The following PARPBP variants were observed in gnomAD, a reference collection of about 807,000 sequenced individuals.
PARPBP encodes the protein PCNA-interacting partner.
PARPBP carries 52 observed loss-of-function variants against 50.0 expected under a neutral mutation model. The ratio of observed to expected loss-of-function variants is 1.04; its 90% confidence interval spans 0.83 to 1.31. The LOEUF (loss-of-function observed/expected upper bound fraction) is 1.31, where lower values mean the gene tolerates loss of function less well. Among genes scored for constraint, PARPBP ranks in the 50% most tolerant of loss-of-function variants. The probability of loss-of-function intolerance (pLI) is 0.00; values close to 1 mark genes in which losing one functional copy is unlikely to be tolerated. For synonymous variants in PARPBP, 244 were observed against 232.1 expected (o/e 1.05, Z -0.47); for missense variants, 697 against 672.0 (o/e 1.04, Z -0.41).
At chr12:102,153,632 A>T (rs1430663190) in intron 3 of PARPBP, among the ~76,000 whole-genome samples, 1 of 152,194 alleles carries the variant, frequency 6.6e-6, no homozygotes, top group Non-Finnish European at 1.5e-5. Context: ...GAGCCACGGT[A>T]CCTGACCCTA....
At chr12:102,174,715 C>A (rs567325245) in intron 6 of PARPBP, among the ~76,000 whole-genome samples, 1 of 152,154 alleles carries the variant, frequency 6.6e-6, no homozygotes, top group Non-Finnish European at 1.5e-5. Flanking sequence ...TTCCTTAAAA[C>A]GGACCAAAAT....
chr12:102,167,775 C>T (rs1308275492), intron 6 of PARPBP, among the ~76,000 whole-genome samples: 1 of 152,084 alleles, frequency 6.6e-6, no homozygotes, highest in Non-Finnish European at 1.5e-5. Context: ...TCCTGCTGCC[C>T]CTGGGTCTGG....
At chr12:102,167,645 T>A (rs1888285238) in intron 6 of PARPBP, among the ~76,000 whole-genome samples, 1 of 152,180 alleles carries the variant, frequency 6.6e-6, no homozygotes, top group African/African-American at 2.4e-5. Flanking sequence ...CACAGAGGAA[T>A]CTTTTAATCT....
intron 6 of PARPBP, among the ~76,000 whole-genome samples, chr12:102,169,039 C>T (rs1888429263): frequency 1.3e-5 from 2 of 152,054 alleles, no homozygotes; most frequent in South Asian, 4.2e-4. Context: ...ACCAATATTC[C>T]CTAGCCCTAG....
At chr12:102,157,421 A>G (rs1887073038) in intron 4 of PARPBP, among the ~76,000 whole-genome samples, 1 of 149,258 alleles carries the variant, frequency 6.7e-6, no homozygotes, top group African/African-American at 2.5e-5. Context: ...ATCTCCTTAG[A>G]CTCTTTTACT....
Position 102,178,652 on chromosome 12 carries a change from T to A in PARPBP, c.1066T>A (p.Leu356Ile), listed in dbSNP as rs970500983. 8 of 1,613,466 alleles carry A rather than the reference T, an allele frequency of 5.0e-6. No individual in the cohort carries two copies. The highest frequency in any genetic ancestry group is 4.5e-5 in the East Asian group (2 of 44,880). The change falls in exon 8 of 11, where the codon TTA becomes ATA. Residue 356 changes from leucine to isoleucine, a missense_variant. Physicochemically the swap from Leu to Ile is conservative, Grantham distance 5. Coordinates refer to ENST00000327680, the MANE Select transcript of PARPBP (RefSeq NM_017915.5). ...AYCGRDTVKA[L>I]LVLLDEEAAN... ...CTGTGGCAGAGATACTGTGAAAGCCTTATTAGTTCTTTTGGACGAAGAAGC... is the reference window on the plus strand; with the variant it reads ...CTGTGGCAGAGATACTGTGAAAGCCATATTAGTTCTTTTGGACGAAGAAGC...
At chr12:102,143,733 G>T (rs1220124894) in intron 2 of PARPBP, among the ~76,000 whole-genome samples, 1 of 152,040 alleles carries the variant, frequency 6.6e-6, no homozygotes, top group Non-Finnish European at 1.5e-5. Context: ...TTTGGAATTA[G>T]CTTCTTAGTT....
At chr12:102,130,690 C>T (rs533974192) in intron 2 of PARPBP, among the ~76,000 whole-genome samples, 5 of 151,654 alleles carry the variant, frequency 3.3e-5, no homozygotes, top group Admixed American at 6.6e-5. Context: ...CCCATCTCTA[C>T]TAGAAATACA....
chr12:102,178,832 G>A (rs1889554508), intron 8 of PARPBP, 62 bp downstream of exon 8: 2 of 1,093,742 alleles, frequency 1.8e-6, no homozygotes, highest in East Asian at 2.6e-5. Flanking sequence ...TAAAAGAAAT[G>A]TATGCTTATG....
At chr12:102,178,508 C>A in intron 7 of PARPBP, 84 bp from the exon 8 acceptor site, 1 of 732,198 alleles carries the variant, frequency 1.4e-6, no homozygotes, top group South Asian at 3.0e-5. Context: ...TGAAAGAGGC[C>A]AGTGCCACAG....
At chr12:102,154,745 A>G in intron 4 of PARPBP, 1 of 406,248 alleles carries the variant, frequency 2.5e-6, no homozygotes, top group Non-Finnish European at 4.8e-6. Flanking sequence ...CATATTTTGA[A>G]ATGGTCCTAC....
intron 9 of PARPBP, among the ~76,000 whole-genome samples, chr12:102,183,158 G>A (rs1889998096): frequency 6.6e-6 from 1 of 152,050 alleles, no homozygotes; most frequent in Non-Finnish European, 1.5e-5. Flanking sequence ...AATCAATAAT[G>A]TGTTTTCAAG....
At chr12:102,132,873 C>A (rs562804021) in intron 2 of PARPBP, among the ~76,000 whole-genome samples, 9 of 152,010 alleles carry the variant, frequency 5.9e-5, no homozygotes, top group Middle Eastern at 6.8e-3. Context: ...CTTTCATCTT[C>A]TTGGTTAAAT....
chr12:102,124,663 G>C (rs1881685977), intron 2 of PARPBP, among the ~76,000 whole-genome samples: 1 of 152,208 alleles, frequency 6.6e-6, no homozygotes, highest in African/African-American at 2.4e-5. Context: ...TTCAGAAGAA[G>C]GGTTCAGGGG....
At chr12:102,141,862 G>A (rs966822501) in intron 2 of PARPBP, among the ~76,000 whole-genome samples, 8 of 152,182 alleles carry the variant, frequency 5.3e-5, no homozygotes, top group Non-Finnish European at 7.3e-5. Flanking sequence ...TCTGCTGTTA[G>A]TCTGATGGGC....
chr12:102,124,176 A>G (rs998427308), intron 2 of PARPBP, 135 bp downstream of exon 2: 11 of 655,440 alleles, frequency 1.7e-5, no homozygotes, highest in Non-Finnish European at 1.9e-5. Context: ...CCATTTTCAC[A>G]AATGCCTCTG....
chr12:102,164,784 A>G, intron 5 of PARPBP, 176 bp downstream of exon 5: 1 of 623,314 alleles, frequency 1.6e-6, no homozygotes, highest in South Asian at 1.9e-5. Flanking sequence ...TTGGTAAAGG[A>G]GAATTTCTCT....
At chr12:102,144,843 T>C (rs1162892733) in intron 2 of PARPBP, among the ~76,000 whole-genome samples, 2 of 152,242 alleles carry the variant, frequency 1.3e-5, no homozygotes, top group Admixed American at 1.3e-4. Flanking sequence ...GTGTACAGTT[T>C]TTGGTACAAT....
rs966618824 is a variant in PARPBP at position 102,120,261 on chromosome 12, A to G, written c.-29A>G. On this transcript the variant is annotated 5_prime_UTR_variant, in exon 1 of 11. Coordinates refer to ENST00000327680, the MANE Select transcript of PARPBP (RefSeq NM_017915.5). ...GGGATCCTTCCGCACACTGAAGAGT[A>G]CGTCTTCGGGTCTACCCCTAATCAC... 1.4e-5 allele frequency: 4 copies of G among 284,264 alleles called. No individual in the cohort carries two copies. The highest frequency in any genetic ancestry group is 2.3e-5 in the African/African-American group (1 of 44,312). 17.6% of individuals were successfully genotyped at this position (284,264 alleles called of 1,614,324 possible). A position where few individuals can be genotyped will look rare whatever the true frequency, so the allele number is the denominator to read the frequency against.
Sources: allele counts gnomAD v4.1 joint callset (sites outside exome capture counted in the v4.1 genomes callset), GRCh38; gene constraint gnomAD v4.1.1; transcripts MANE v1.5; gene names NCBI Gene and HGNC (gene_info 2026-07-23, HGNC 2026-07-21).